Variants in FRRS1 observed in about 807,000 individuals in gnomAD.
The protein encoded by FRRS1 is ferric reductase 1.
Under a neutral mutation model 70.7 loss-of-function variants are expected in FRRS1, and 51 were observed. The ratio of observed to expected loss-of-function variants is 0.72; its 90% CI spans 0.58 to 0.91. FRRS1 has a LOEUF of 0.91. FRRS1 is among the 40% of genes least tolerant of loss of function. FRRS1 has a pLI of 0.00. For synonymous variants in FRRS1, 225 were observed against 238.7 expected (o/e 0.94, Z 0.53); for missense variants, 672 against 726.0 (o/e 0.93, Z 0.86).
chr1:99,747,498 A>C (rs1302504886), intron 3 of FRRS1, 68 bp from the exon 4 acceptor site: 2 of 1,447,236 alleles, frequency 1.4e-6, no homozygotes, highest in Admixed American at 2.0e-5. Flanking sequence ...TAGAGGTTGT[A>C]CATTACAATT....
At chr1:99,741,318 C>T (rs1237773173) in intron 5 of FRRS1, among the ~76,000 whole-genome samples, 1 of 152,236 alleles carries the variant, frequency 6.6e-6, no homozygotes, top group Non-Finnish European at 1.5e-5. Flanking sequence ...CAAGCAACAA[C>T]AGCAACAAGC....
At chr1:99,709,494 A>T (rs1238524770) in intron 15 of FRRS1, among the ~76,000 whole-genome samples, 1 of 152,186 alleles carries the variant, frequency 6.6e-6, no homozygotes, top group African/African-American at 2.4e-5. Context: ...TAGTCATTAA[A>T]CACCACCTCA....
At chr1:99,763,320 T>C (rs532359077) in intron 1 of FRRS1, among the ~76,000 whole-genome samples, 5 of 152,104 alleles carry the variant, frequency 3.3e-5, no homozygotes, top group Non-Finnish European at 7.4e-5. Flanking sequence ...CCTGTCCATA[T>C]AAAAATAAAT....
chr1:99,763,591 G>A (rs929748611), intron 1 of FRRS1, among the ~76,000 whole-genome samples: 1 of 151,982 alleles, frequency 6.6e-6, no homozygotes, highest in Non-Finnish European at 1.5e-5. Flanking sequence ...CTTACAGTTC[G>A]GGCGCAGTGG....
chr1:99,721,249 G>C (rs982058083), intron 9 of FRRS1, among the ~76,000 whole-genome samples: 1 of 151,808 alleles, frequency 6.6e-6, no homozygotes, highest in Non-Finnish European at 1.5e-5. Flanking sequence ...TGCGCTGGTG[G>C]GCACCTGTAA....
At chr1:99,724,147 C>G (rs1412873454) in intron 9 of FRRS1, among the ~76,000 whole-genome samples, 1 of 152,160 alleles carries the variant, frequency 6.6e-6, no homozygotes, top group Non-Finnish European at 1.5e-5. Flanking sequence ...TGAACTTAAC[C>G]TTCATGAAAG....
chr1:99,744,154 T>C (rs1656118627), intron 4 of FRRS1, among the ~76,000 whole-genome samples: 1 of 152,038 alleles, frequency 6.6e-6, no homozygotes, highest in Non-Finnish European at 1.5e-5. Context: ...ACATTTTTTG[T>C]GAAAGACCTT....
intron 10 of FRRS1, among the ~76,000 whole-genome samples, chr1:99,717,858 G>C (rs1388812731): frequency 6.6e-6 from 1 of 152,144 alleles, no homozygotes; most frequent in Non-Finnish European, 1.5e-5. Context: ...GAATTAAGTA[G>C]CTCTTCTGAG....
chr1:99,719,794 C>T, intron 9 of FRRS1, 147 bp from the exon 10 acceptor site: 1 of 577,446 alleles, frequency 1.7e-6, no homozygotes. Context: ...CATTCATATG[C>T]AAAAGCAACA....
chr1:99,757,844 G>A (rs1656912287), intron 1 of FRRS1, among the ~76,000 whole-genome samples: 1 of 151,520 alleles, frequency 6.6e-6, no homozygotes. Flanking sequence ...CTTTTGGCCT[G>A]AAAATAGAAC....
intron 1 of FRRS1, among the ~76,000 whole-genome samples, chr1:99,756,058 A>G (rs1468422559): frequency 1.3e-5 from 2 of 152,218 alleles, no homozygotes; most frequent in Admixed American, 6.5e-5. Context: ...TCACATAATT[A>G]TGACAGAATA....
At position 99,712,411 on chromosome 1, in the gene FRRS1, T is replaced by A. The variant is rs1025803040; in HGVS notation, c.1421+7A>T. The A allele has an allele frequency of 6.4e-7, 1 of 1,571,956 alleles. No individual in the cohort carries two copies. Among genetic ancestry groups the A allele is most frequent in the Non-Finnish European group, 8.7e-7 (1 of 1,149,686 alleles). On this transcript the variant is annotated splice_region_variant and intron_variant, in intron 13 of 16. Transcript: ENST00000646001. ...AGAGAGCATTTATATAGAAAGGCTCTAAGTACCTTGGGTCATGTAAAGGTG... is the reference window on the plus strand; with the variant it reads ...AGAGAGCATTTATATAGAAAGGCTCAAAGTACCTTGGGTCATGTAAAGGTG...
intron 4 of FRRS1, among the ~76,000 whole-genome samples, chr1:99,742,784 T>C (rs905734497): frequency 2.0e-5 from 3 of 152,200 alleles, no homozygotes; most frequent in African/African-American, 7.2e-5. Context: ...TCTCTCCCAA[T>C]TCCTTCCAGG....
chr1:99,719,234 C>G (rs1435007404), intron 10 of FRRS1, among the ~76,000 whole-genome samples: 1 of 151,928 alleles, frequency 6.6e-6, no homozygotes, highest in Non-Finnish European at 1.5e-5. Flanking sequence ...CATGGTGAAA[C>G]CCTGTCTCTA....
At position 99,710,507 on chromosome 1, in the gene FRRS1, A is replaced by C. The variant is rs192345943; in HGVS notation, c.1624+299T>G. 4.5e-3 allele frequency among the ~76,000 whole-genome samples: 678 copies of C among 152,346 alleles called. 4 individuals are homozygous for C. The highest frequency in any genetic ancestry group is 0.02 in the Middle Eastern group (6 of 294). ...TCTCAGGGTTTCCTCAGCTCTAGGC[A>C]TTCAGAGTTCCCAGTCCATACTGGC... On this transcript the variant is annotated intron_variant, in intron 15 of 16. Transcript: ENST00000646001.
chr1:99,744,452 A>C (rs7551255), intron 4 of FRRS1, among the ~76,000 whole-genome samples: 75,122 of 151,984 alleles, frequency 0.49, 22,571 homozygotes, highest in African/African-American at 0.85. Context: ...AAATCATTGA[A>C]GATACCATCC....
At chr1:99,748,360 C>T (rs921374388) in intron 3 of FRRS1, 13 of 423,966 alleles carry the variant, frequency 3.1e-5, no homozygotes, top group Middle Eastern at 6.0e-4. Flanking sequence ...TAGTAAATAA[C>T]GATAAAAACT....
intron 4 of FRRS1, among the ~76,000 whole-genome samples, chr1:99,744,064 TAAA>T (rs112254806): frequency 1.6e-5 from 2 of 124,348 alleles, no homozygotes; most frequent in Admixed American, 8.0e-5. Flanking sequence ...AGAACGATTG[TAAA>T]AAAAAAAAAA....
Position 99,707,067 on chromosome 1 carries a change from A to G in FRRS1, c.*1961T>C, listed in dbSNP as rs1026396682. ...CCTTCAAAAGGAAAATTTAGATTAT[A>G]AGTAGCATGGCACATATAGAATATG... On this transcript the variant is annotated 3_prime_UTR_variant, in exon 17 of 17. Transcript: ENST00000646001. 2.6e-5 allele frequency among the ~76,000 whole-genome samples: 4 copies of G among 152,166 alleles called. No homozygotes were observed. The highest frequency in any genetic ancestry group is 9.7e-5 in the African/African-American group (4 of 41,422).
Sources: allele counts gnomAD v4.1 joint callset (sites outside exome capture counted in the v4.1 genomes callset), GRCh38; gene constraint gnomAD v4.1.1; transcripts MANE v1.5; gene names NCBI Gene and HGNC (gene_info 2026-07-23, HGNC 2026-07-21).